Variants in CAMK2D observed in about 807,000 individuals in gnomAD.
CAMK2D encodes the protein calcium/calmodulin dependent protein kinase II delta.
CAMK2D carries 37 observed loss-of-function variants against 84.0 expected under a neutral mutation model. The ratio of observed to expected loss-of-function variants is 0.44; its 90% CI spans 0.34 to 0.58. The LOEUF is 0.58. CAMK2D is among the 20% of genes least tolerant of loss of function. The probability of loss-of-function intolerance (pLI) is 0.02; values close to 1 mark genes in which losing one functional copy is unlikely to be tolerated. For missense variants in CAMK2D, 448 were observed against 652.5 expected (o/e 0.69, Z 3.41); for synonymous variants, 202 against 212.5 (o/e 0.95, Z 0.43).
chr4:113,746,289 T>C (rs1174211788), intron 2 of CAMK2D, among the ~76,000 whole-genome samples: 1 of 152,232 alleles, frequency 6.6e-6, no homozygotes, highest in Non-Finnish European at 1.5e-5. Context: ...TTTCAAAACA[T>C]ATACCTTAAA....
At chr4:113,581,529 A>AAAAAAAAAAAAAAAAG (rs373642282) in intron 4 of CAMK2D, among the ~76,000 whole-genome samples, 3 of 121,876 alleles carry the variant, frequency 2.5e-5, no homozygotes, top group African/African-American at 9.7e-5. Flanking sequence ...AAAAAAAAAA[A>AAAAAAAAAAAAAAAAG]AAAAGAAAAG....
At chr4:113,671,532 G>A (rs928195099) in intron 2 of CAMK2D, among the ~76,000 whole-genome samples, 18 of 152,040 alleles carry the variant, frequency 1.2e-4, no homozygotes, top group African/African-American at 2.7e-4. Context: ...TTCCTCCATC[G>A]CACTTCTCTT....
At chr4:113,751,615 C>A (rs2099617490) in intron 2 of CAMK2D, among the ~76,000 whole-genome samples, 1 of 151,812 alleles carries the variant, frequency 6.6e-6, no homozygotes, top group Non-Finnish European at 1.5e-5. Flanking sequence ...ACTAAAAATG[C>A]AAAAATTAGC....
intron 3 of CAMK2D, among the ~76,000 whole-genome samples, chr4:113,653,868 T>C (rs1240367094): frequency 6.6e-6 from 1 of 151,988 alleles, no homozygotes; most frequent in East Asian, 1.9e-4. Flanking sequence ...GACAACTGCA[T>C]GCAGAGAAGG....
rs559817081 is a variant in CAMK2D at position 113,675,150 on chromosome 4, A to G, written c.161-13378T>C. On this transcript the variant is annotated intron_variant, in intron 2 of 20. Transcript: ENST00000511664. ...TACCCTTGTTTTACCTTTTCCTTTC[A>G]CCTTAATATTGGCTTTAAAAATCTC... is the stretch of plus-strand genomic sequence containing the variant. Among the ~76,000 whole-genome samples the G allele has an allele frequency of 2.5e-3, 382 of 152,090 alleles. 1 individual carries two copies. Among genetic ancestry groups the G allele is most frequent in the African/African-American group, 8.8e-3 (363 of 41,484 alleles).
intron 19 of CAMK2D, 88 bp downstream of exon 19, chr4:113,457,247 C>T (rs191333196): frequency 1.6e-5 from 24 of 1,540,470 alleles, no homozygotes; most frequent in South Asian, 2.5e-5. Flanking sequence ...CGTTAAATAA[C>T]ATATACCATG....
chr4:113,598,407 T>C (rs2098937206), intron 4 of CAMK2D, among the ~76,000 whole-genome samples: 1 of 152,184 alleles, frequency 6.6e-6, no homozygotes, highest in South Asian at 2.1e-4. Context: ...CACACCTATG[T>C]TTTATGTAAA....
At chr4:113,558,664 CATACACTACTATGTCATGTGTGTATATAT>C (rs2098682461) in intron 4 of CAMK2D, among the ~76,000 whole-genome samples, 1 of 152,126 alleles carries the variant, frequency 6.6e-6, no homozygotes, top group Admixed American at 6.5e-5. Flanking sequence ...TATACACACA[CATACACTACTATGTCATGTGTGTATATAT>C]ATATGTAATT....
chr4:113,649,730 T>C (rs2099165424), intron 3 of CAMK2D, among the ~76,000 whole-genome samples: 1 of 152,214 alleles, frequency 6.6e-6, no homozygotes, highest in Admixed American at 6.5e-5. Flanking sequence ...AGTCTACCAG[T>C]ACTTTAGCTA....
chr4:113,551,784 A>G (rs190493767), intron 5 of CAMK2D, among the ~76,000 whole-genome samples: 2 of 152,336 alleles, frequency 1.3e-5, no homozygotes, highest in Admixed American at 6.5e-5. Context: ...TTGCTTTAGC[A>G]GAAGTCATTC....
chr4:113,658,564 C>G (rs2099212969), intron 3 of CAMK2D, among the ~76,000 whole-genome samples: 1 of 152,164 alleles, frequency 6.6e-6, no homozygotes, highest in Non-Finnish European at 1.5e-5. Context: ...ATTTCCCTCT[C>G]TGCTTCCTAT....
intron 4 of CAMK2D, among the ~76,000 whole-genome samples, chr4:113,556,259 CA>C (rs2098663856): frequency 6.6e-6 from 1 of 152,286 alleles, no homozygotes; most frequent in African/African-American, 2.4e-5. Flanking sequence ...AGAACACACA[CA>C]AAAGAAAGGA....
rs753759241 is a variant in CAMK2D, at chr4:113,547,764, ACTGT to A, written c.342-52_342-49del. The stretch of plus-strand genomic sequence containing the variant: ...GTGTGTTAGTTCCAAGCTTACACTC[ACTGT>A]CTGTATACCCTCAGAGAGACTGGGT... On this transcript the variant is annotated intron_variant, in intron 5 of 20. Transcript: ENST00000511664. 2.3e-5 allele frequency: 28 copies of A among 1,240,532 alleles called. No homozygotes were observed. In the African/African-American group the frequency reaches 2.4e-4, roughly 11 times the overall value. 76.8% of individuals were successfully genotyped at this position (1,240,532 alleles called of 1,614,324 possible).
chr4:113,508,948 A>G (rs911901403), intron 13 of CAMK2D, among the ~76,000 whole-genome samples: 2 of 152,238 alleles, frequency 1.3e-5, no homozygotes, highest in Non-Finnish European at 2.9e-5. Flanking sequence ...AAAAGATAAC[A>G]AACATCATTA....
chr4:113,485,580 T>C (rs1488426190), intron 16 of CAMK2D, among the ~76,000 whole-genome samples: 3 of 152,194 alleles, frequency 2.0e-5, no homozygotes, highest in Non-Finnish European at 4.4e-5. Flanking sequence ...TTTGGTCTTA[T>C]AGCCTTCAAA....
intron 5 of CAMK2D, among the ~76,000 whole-genome samples, chr4:113,548,183 T>C (rs2098597637): frequency 6.6e-6 from 1 of 152,206 alleles, no homozygotes; most frequent in Non-Finnish European, 1.5e-5. Flanking sequence ...GATAAATCAT[T>C]AACTTCTTGT....
rs772343732 is a variant in CAMK2D, at chr4:113,761,030, C to T, written c.39G>A (p.Glu13=). The T allele has an allele frequency of 6.4e-5, 103 of 1,614,108 alleles. No homozygotes were observed. Among genetic ancestry groups the T allele is most frequent in the Middle Eastern group, 3.3e-4 (2 of 6,084 alleles). ...TTCCAAGCTCCTCGAAAAGCTGATACTCGTCCGTGAACCTGGTGCAGGTTG... is the reference window on the plus strand; with the variant it reads ...TTCCAAGCTCCTCGAAAAGCTGATATTCGTCCGTGAACCTGGTGCAGGTTG... ...STTTCTRFTD[E]YQLFEELGKG... Residue 13 remains glutamate (E), a synonymous_variant, in exon 1 of 21, where the codon GAG becomes GAA. Transcript: ENST00000511664.
At chr4:113,607,356 C>T (rs1019241833) in intron 4 of CAMK2D, among the ~76,000 whole-genome samples, 4 of 152,084 alleles carry the variant, frequency 2.6e-5, no homozygotes, top group African/African-American at 9.7e-5. Context: ...GCGCTTTAGT[C>T]TCTATTCTAA....
intron 2 of CAMK2D, among the ~76,000 whole-genome samples, chr4:113,689,040 C>T (rs771147602): frequency 4.9e-4 from 74 of 151,236 alleles, no homozygotes; most frequent in Non-Finnish European, 8.7e-4. Context: ...GTCAAGAGAT[C>T]GAGACCATCC....
Sources: gnomAD v4.1 joint callset for allele counts (sites outside exome capture counted in the v4.1 genomes callset) on GRCh38, gnomAD v4.1.1 for gene constraint, MANE v1.5 for transcripts, NCBI Gene and HGNC (gene_info 2026-07-23, HGNC 2026-07-21) for gene names.